LTF: variants seen among roughly 807,000 people sequenced by gnomAD.
LTF encodes the protein epididymis luminal protein 110.
Under a neutral mutation model 87.2 loss-of-function variants are expected in LTF, and 91 were observed. The observed-to-expected ratio is 1.04, with a 90% CI of 0.88 to 1.24. The LOEUF is 1.24. Among genes scored for constraint, LTF ranks in the 50% most tolerant of loss-of-function variants. The probability of loss-of-function intolerance (pLI) is 0.00; values close to 1 mark genes in which losing one functional copy is unlikely to be tolerated. For missense variants in LTF, 901 were observed against 904.3 expected (o/e 1.00, Z 0.05); for synonymous variants, 378 against 356.1 (o/e 1.06, Z -0.69).
intron 1 of LTF, among the ~76,000 whole-genome samples, chr3:46,472,165 AGT>A (rs1703298378): frequency 6.6e-6 from 1 of 152,144 alleles, no homozygotes; most frequent in South Asian, 2.1e-4. Flanking sequence ...TAAAACCAGA[AGT>A]AAAGCTAGCA....
At chr3:46,443,722 C>T in intron 12 of LTF, 140 bp from the exon 13 acceptor site, 2 of 778,602 alleles carry the variant, frequency 2.6e-6, no homozygotes, top group Non-Finnish European at 4.3e-6. Flanking sequence ...CTCACCATCA[C>T]AAAGCAACAT....
At chr3:46,465,727 G>C (rs1321267577), upstream of LTF, among the ~76,000 whole-genome samples, 2 of 151,870 alleles carry the variant, frequency 1.3e-5, no homozygotes, top group East Asian at 3.9e-4. Flanking sequence ...AAATTCAAAA[G>C]CTAGAATACT....
intron 1 of LTF, 21 bp downstream of exon 1, chr3:46,464,804 C>A (rs762947069): frequency 1.2e-6 from 2 of 1,613,520 alleles, no homozygotes; most frequent in Non-Finnish European, 1.7e-6. Flanking sequence ...GCGGCTCGCG[C>A]CCCCAGGCAC....
At chr3:46,447,152 G>A (rs890191289) in intron 10 of LTF, among the ~76,000 whole-genome samples, 156 bp downstream of exon 10, 2 of 152,184 alleles carry the variant, frequency 1.3e-5, no homozygotes. Context: ...GGCTTTGTGG[G>A]TAACACGGCC....
At chr3:46,455,573 G>C in intron 4 of LTF, 131 bp from the exon 5 acceptor site, 2 of 1,243,084 alleles carry the variant, frequency 1.6e-6, no homozygotes, top group Non-Finnish European at 2.2e-6. Context: ...CTGTCATGGG[G>C]CTGGGAGCTC....
rs1466422652 is a variant in LTF, at chr3:46,445,425, C to T, written c.1369G>A (p.Val457Met). 1.2e-5 allele frequency: 20 copies of T among 1,611,966 alleles called. No individual in the cohort carries two copies. The highest frequency in any genetic ancestry group is 1.5e-5 in the Non-Finnish European group (18 of 1,179,168). ...GTGTCTGATCTCCTAACCACCGCCA[C>T]AGCAAGATATCCTGGCATAACAGAT... ...VDRPVEGYLAVAVVRRSDTSL... is the reference protein window; with the variant it reads ...VDRPVEGYLAMAVVRRSDTSL... Residue 457 changes from valine (V) to methionine (M), a missense_variant, in exon 12 of 17, where the codon GTG (valine) becomes ATG (methionine). Transcript: ENST00000231751.
chr3:46,468,271 C>G (rs1343837174), upstream of LTF: 5 of 456,654 alleles, frequency 1.1e-5, no homozygotes, highest in Non-Finnish European at 2.2e-5. Flanking sequence ...CAACACTGGT[C>G]TATGGGACAT....
chr3:46,448,166 C>A (rs187687064), intron 9 of LTF, among the ~76,000 whole-genome samples: 111 of 152,146 alleles, frequency 7.3e-4, no homozygotes, highest in African/African-American at 2.7e-3. Flanking sequence ...GAGTTCGAGA[C>A]GAGCCTGGGC....
chr3:46,455,814 G>A lies in LTF; in HGVS notation c.481C>T (p.Pro161Ser), dbSNP rs757462177. ...ATCTTACCTGCCTCAATGGGCTCAGGTGGACCCGTCCAATTCAAGAATGGA... is the reference window on the plus strand; with the variant it reads ...ATCTTACCTGCCTCAATGGGCTCAGATGGACCCGTCCAATTCAAGAATGGA... ...LRPFLNWTGP[P>S]EPIEAAVARF... The change falls in exon 4 of 17, where the codon CCT (proline) becomes TCT (serine). Residue 161 changes from proline (P) to serine (S), a missense_variant. Physicochemically the swap from Pro to Ser is moderately conservative, Grantham distance 74. Coordinates refer to ENST00000231751, the MANE Select transcript of LTF (RefSeq NM_002343.6). 6.3e-7 allele frequency: 1 copy of A among 1,582,848 alleles called. No individual in the cohort carries two copies. Among genetic ancestry groups the A allele is most frequent in the Admixed American group, 1.8e-5 (1 of 55,118 alleles).
rs758757292 is a variant in LTF, at chr3:46,455,989, G to A, written c.317-11C>T. 6.4e-7 allele frequency: 1 copy of A among 1,555,212 alleles called. No individual in the cohort carries two copies. Among genetic ancestry groups the A allele is most frequent in the East Asian group, 2.3e-5 (1 of 44,312 alleles). On this transcript the variant is annotated splice_polypyrimidine_tract_variant and intron_variant, in intron 3 of 16. Coordinates refer to ENST00000231751, the MANE Select transcript of LTF (RefSeq NM_002343.6). ...AGTGAGTTCGTGGCTCTGCAAAGGG[G>A]CAGACAGAATTGAAAGTTCTTAGCC...
At chr3:46,478,863 G>A (rs982070257) in intron 1 of LTF, among the ~76,000 whole-genome samples, 1 of 152,192 alleles carries the variant, frequency 6.6e-6, no homozygotes, top group African/African-American at 2.4e-5. Context: ...TACAAATGAG[G>A]TCTCTAAGCC....
In LTF at chr3:46,443,480, T is replaced by C. The variant is rs1702572155; in HGVS notation, c.1616A>G (p.Asn539Ser). 6.2e-7 allele frequency: 1 copy of C among 1,614,238 alleles called. No individual in the cohort carries two copies. ...GTAGCCGTAGTATCTCTCGTTGCTGTTGGGCACGCACTTATTCTCACCCTG... is the reference window on the plus strand; with the variant it reads ...GTAGCCGTAGTATCTCTCGTTGCTGCTGGGCACGCACTTATTCTCACCCTG... ...DEQGENKCVPNSNERYYGYTG... is the reference protein window; with the variant it reads ...DEQGENKCVPSSNERYYGYTG... Residue 539 changes from asparagine to serine, a missense_variant, in exon 13 of 17, where the codon AAC becomes AGC. Transcript: ENST00000231751.
At chr3:46,450,194 C>T (rs1024369189) in intron 7 of LTF, among the ~76,000 whole-genome samples, 166 bp from the exon 8 acceptor site, 3 of 152,150 alleles carry the variant, frequency 2.0e-5, no homozygotes, top group Non-Finnish European at 1.5e-5. Context: ...GAGACCCAAG[C>T]TCAGCTATGG....
chr3:46,450,308 G>A (rs370844119), intron 7 of LTF, among the ~76,000 whole-genome samples, 187 bp downstream of exon 7: 9 of 152,078 alleles, frequency 5.9e-5, no homozygotes, highest in South Asian at 2.1e-4. Flanking sequence ...CTGTCAGCCC[G>A]TGTGACAGAA....
intron 2 of LTF, among the ~76,000 whole-genome samples, chr3:46,458,535 A>G (rs886928522): frequency 6.6e-6 from 1 of 152,194 alleles, no homozygotes; most frequent in African/African-American, 2.4e-5. Context: ...AGGAATCTGC[A>G]TTTTAAACAA....
At position 46,456,124 on chromosome 3, in the gene LTF, C is replaced by T. The variant is rs1445387277; in HGVS notation, c.317-146G>A. On this transcript the variant is annotated intron_variant, in intron 3 of 16. Coordinates refer to ENST00000231751, the MANE Select transcript of LTF (RefSeq NM_002343.6). Reference sequence around the variant, plus strand: ...CGTGTGTCCTCCTCTCGTGGGTCAGCGTCAGGAGGAACGGCCTTCATCTGG... The same window carrying T: ...CGTGTGTCCTCCTCTCGTGGGTCAGTGTCAGGAGGAACGGCCTTCATCTGG... 40 of 950,736 alleles carry T rather than the reference C, an allele frequency of 4.2e-5. No homozygotes were observed. The Admixed American group carries it at 7.9e-4, about 19-fold the overall frequency. The allele number at this position is 950,736 out of a possible 1,614,324, so 58.9% of individuals were successfully genotyped here. A position where few individuals can be genotyped will look rare whatever the true frequency, so the allele number is the denominator to read the frequency against.
chr3:46,459,589 T>C, intron 2 of LTF, 67 bp downstream of exon 2: 1 of 1,343,272 alleles, frequency 7.4e-7, no homozygotes, highest in Non-Finnish European at 9.7e-7. Context: ...GCTCGTGTTC[T>C]ATCTTTTTCC....
intron 1 of LTF, among the ~76,000 whole-genome samples, chr3:46,479,924 T>C (rs970325676): frequency 6.6e-6 from 1 of 152,216 alleles, no homozygotes; most frequent in African/African-American, 2.4e-5. Context: ...TTTGCTTACA[T>C]TACAAGGGGA....
At chr3:46,472,525 T>TGAGA (rs1233002561) in intron 1 of LTF, among the ~76,000 whole-genome samples, 4 of 141,384 alleles carry the variant, frequency 2.8e-5, no homozygotes, top group African/African-American at 8.1e-5. Context: ...TGTGTGTGTG[T>TGAGA]GTGAGAGAGA....
Sources: gnomAD v4.1 joint callset for allele counts (sites outside exome capture counted in the v4.1 genomes callset) on GRCh38, gnomAD v4.1.1 for gene constraint, MANE v1.5 for transcripts, NCBI Gene and HGNC (gene_info 2026-07-23, HGNC 2026-07-21) for gene names.